The following ATP11C variants were observed in gnomAD, a reference collection of about 807,000 sequenced individuals.
The protein encoded by ATP11C is ATPase phospholipid transporting 11C (ATP11C blood group).
In ATP11C, 36 loss-of-function variants were observed where a neutral mutation model predicts 97.4. The ratio of observed to expected loss-of-function variants is 0.37; its 90% CI spans 0.28 to 0.49. The LOEUF (loss-of-function observed/expected upper bound fraction) is 0.49. Among genes scored for constraint, ATP11C ranks in the 20% least tolerant of loss-of-function variants. The probability of loss-of-function intolerance (pLI) is 0.98; values close to 1 mark genes in which losing one functional copy is unlikely to be tolerated. For synonymous variants in ATP11C, 275 were observed against 290.9 expected, an observed-to-expected ratio of 0.95 and a Z score of 0.56; for missense variants, 730 against 824.6, an observed-to-expected ratio of 0.89 and a Z score of 1.40.
At chrX:139,906,208 G>A (rs2084972416) in intron 1 of ATP11C, among the ~76,000 whole-genome samples, 1 of 107,959 alleles carries the variant, frequency 9.3e-6, no homozygotes, top group African/African-American at 3.4e-5. Context: ...TATGTAGCTT[G>A]AGCCCAGGAG....
chrX:139,743,428 T>C, intron 26 of ATP11C, 131 bp downstream of exon 26: 1 of 432,006 alleles, frequency 2.3e-6, no homozygotes, highest in East Asian at 3.9e-5. Flanking sequence ...TTTTAGTAAG[T>C]ATTAAGGCAA....
At chrX:139,842,024 T>TTTTTG (rs921051573) in intron 1 of ATP11C, among the ~76,000 whole-genome samples, 29 of 111,566 alleles carry the variant, frequency 2.6e-4, no homozygotes, top group Admixed American at 1.3e-3. Flanking sequence ...TGAGCAGGTT[T>TTTTTG]TTTTGTTTTG....
intron 18 of ATP11C, among the ~76,000 whole-genome samples, chrX:139,780,457 C>T (rs1472348386): frequency 9.1e-6 from 1 of 109,768 alleles, no homozygotes; most frequent in African/African-American, 3.3e-5. Context: ...ATTATATGAT[C>T]ATCCCAATAG....
intron 1 of ATP11C, among the ~76,000 whole-genome samples, chrX:139,869,795 A>AAATAAT (rs35904908): frequency 0.029 from 2,644 of 92,296 alleles, 146 homozygotes; most frequent in African/African-American, 0.1. Context: ...CTCTGTCTCA[A>AAATAAT]AATAATAATA....
At chrX:139,909,379 C>T (rs772985115) in intron 1 of ATP11C, among the ~76,000 whole-genome samples, 14 of 111,218 alleles carry the variant, frequency 1.3e-4, no homozygotes, top group African/African-American at 3.6e-4. Flanking sequence ...GTGATCCACC[C>T]GCCTCGGCTT....
intron 18 of ATP11C, among the ~76,000 whole-genome samples, chrX:139,781,202 A>G (rs1352172150): frequency 8.9e-6 from 1 of 112,273 alleles, no homozygotes; most frequent in Non-Finnish European, 1.9e-5. Flanking sequence ...CAGAATAACA[A>G]TGAAATTAGA....
intron 10 of ATP11C, 45 bp downstream of exon 10, chrX:139,798,228 C>T (rs2082843148): frequency 9.5e-7 from 1 of 1,057,867 alleles, no homozygotes; most frequent in Non-Finnish European, 1.3e-6. Context: ...AAGAAAGTAA[C>T]TATTTTAATC....
At chrX:139,800,650 T>C (rs1380893423) in intron 7 of ATP11C, among the ~76,000 whole-genome samples, 1 of 111,426 alleles carries the variant, frequency 9.0e-6, no homozygotes, top group Non-Finnish European at 1.9e-5. Flanking sequence ...ATAGTACTAG[T>C]CTTAGACAGT....
chrX:139,857,984 T>TA (rs2084120474), intron 1 of ATP11C, among the ~76,000 whole-genome samples: 1 of 111,914 alleles, frequency 8.9e-6, no homozygotes, highest in African/African-American at 3.2e-5. Flanking sequence ...GATTAGGCCA[T>TA]AAGGGCTCTG....
Position 139,727,253 on chromosome X carries a change from A to T in ATP11C, c.*1713T>A, listed in dbSNP as rs1229133607. On this transcript the variant is annotated 3_prime_UTR_variant, in exon 30 of 30. Transcript: ENST00000682941. ...ACCATAAGAACAAGAAAACAAACAC[A>T]AAATATCAAAAGCTTTCCTGGGTTA... The T allele has an allele frequency of 8.9e-6, 1 of 112,077 alleles. No homozygotes were observed. Among genetic ancestry groups the T allele is most frequent in the Non-Finnish European group, 1.9e-5 (1 of 53,114 alleles). 9.2% of individuals were successfully genotyped at this position (112,077 alleles called of 1,213,427 possible). A position where few individuals can be genotyped will look rare whatever the true frequency, so the allele number is the denominator to read the frequency against.
rs758111978 is a variant in ATP11C, at chrX:139,802,258, G to A, written c.637C>T (p.Gln213Ter). 8.3e-7 allele frequency: 1 copy of A among 1,206,044 alleles called. No homozygotes were observed. The highest frequency in any genetic ancestry group is 1.1e-6 in the Non-Finnish European group (1 of 890,195). ...TACTTGTAGAGGTCAGGTTGAGGCTGTTCACATTCAATTGCTGCTCGGAGG... is the reference window on the plus strand; with the variant it reads ...TACTTGTAGAGGTCAGGTTGAGGCTATTCACATTCAATTGCTGCTCGGAGG... ...DTLRAAIECE[Q>*]PQPDLYKFVG... The change falls in exon 7 of 30, where the codon CAG becomes TAG. Residue 213 changes from glutamine to a stop codon, truncating the protein, a stop_gained. Coordinates refer to ENST00000682941, the MANE Select transcript of ATP11C (RefSeq NM_001353812.2). LOFTEE classifies it high-confidence loss of function.
chrX:139,784,649 AC>A (rs1451950926), intron 16 of ATP11C, among the ~76,000 whole-genome samples: 1 of 111,143 alleles, frequency 9.0e-6, no homozygotes, highest in Non-Finnish European at 1.9e-5. Flanking sequence ...GCCCAGGATT[AC>A]AGTACCAGTT....
In ATP11C at chrX:139,769,068, G is replaced by C. The variant is rs773457831; in HGVS notation, c.2217-634C>G. Among the ~76,000 whole-genome samples, 9 of 106,311 alleles carry C rather than the reference G, an allele frequency of 8.5e-5. No individual in the cohort carries two copies. In the South Asian group the frequency reaches 3.4e-3, roughly 41 times the overall value. The allele number at this position is 106,311 out of a possible 115,157, so 92.3% of individuals were successfully genotyped here. A position where few individuals can be genotyped will look rare whatever the true frequency, so the allele number is the denominator to read the frequency against. Reference sequence around the variant, plus strand: ...AAATCTCTCAATATATTCTTTTACTGGTTCTATTTTTCTGGTTGAACTTTG... The same window carrying C: ...AAATCTCTCAATATATTCTTTTACTCGTTCTATTTTTCTGGTTGAACTTTG... On this transcript the variant is annotated intron_variant, in intron 19 of 29. Coordinates refer to ENST00000682941, the MANE Select transcript of ATP11C (RefSeq NM_001353812.2).
chrX:139,825,316 T>C (rs934958681), intron 2 of ATP11C, among the ~76,000 whole-genome samples: 15 of 111,620 alleles, frequency 1.3e-4, no homozygotes, highest in Non-Finnish European at 2.6e-4. Context: ...TTGGTGACCA[T>C]GTGCCTAAAT....
At chrX:139,924,212 G>GCT (rs775360334) in intron 1 of ATP11C, 1 of 384,603 alleles carries the variant, frequency 2.6e-6, no homozygotes, top group East Asian at 7.5e-5. Context: ...ATACTTCCTG[G>GCT]CTCCCCCACT....
chrX:139,752,936 A>G (rs1026136974), intron 23 of ATP11C, among the ~76,000 whole-genome samples: 1 of 112,091 alleles, frequency 8.9e-6, no homozygotes, highest in Non-Finnish European at 1.9e-5. Context: ...AAGAGACAGC[A>G]TACCAAATAG....
intron 1 of ATP11C, among the ~76,000 whole-genome samples, chrX:139,847,079 T>C (rs1359354347): frequency 9.0e-6 from 1 of 110,674 alleles, no homozygotes; most frequent in African/African-American, 3.3e-5. Context: ...CCTCTCTCTC[T>C]CCCATTCATT....
At chrX:139,733,849 T>G (rs1300419258) in intron 28 of ATP11C, among the ~76,000 whole-genome samples, 2 of 111,008 alleles carry the variant, frequency 1.8e-5, no homozygotes, top group Non-Finnish European at 3.8e-5. Context: ...ATATTAGGAG[T>G]TAATAGATTA....
chrX:139,774,010 A>C (rs940832332), intron 19 of ATP11C, among the ~76,000 whole-genome samples: 1 of 112,848 alleles, frequency 8.9e-6, no homozygotes, highest in African/African-American at 3.2e-5. Context: ...TAGTACAGAC[A>C]CATCCAGTGG....
Sources: gnomAD v4.1 joint callset for allele counts (sites outside exome capture counted in the v4.1 genomes callset) on GRCh38, gnomAD v4.1.1 for gene constraint, MANE v1.5 for transcripts, NCBI Gene and HGNC (gene_info 2026-07-23, HGNC 2026-07-21) for gene names.